The following ATL2 variants were observed in gnomAD, a reference collection of about 807,000 sequenced individuals.
ATL2 encodes atlastin-2.
ATL2 carries 31 observed loss-of-function variants against 73.9 expected under a neutral mutation model. The ratio of observed to expected loss-of-function variants is 0.42; its 90% CI spans 0.32 to 0.57. The LOEUF is 0.57. ATL2 is among the 20% of genes least tolerant of loss of function. ATL2 has a pLI of 0.14. For synonymous variants in ATL2, 291 were observed against 237.5 expected, an observed-to-expected ratio of 1.23 and a Z score of -2.07; for missense variants, 738 against 702.6, an observed-to-expected ratio of 1.05 and a Z score of -0.57.
At chr2:38,327,827 TGAG>T (rs755931119) in intron 2 of ATL2, among the ~76,000 whole-genome samples, 2 of 152,062 alleles carry the variant, frequency 1.3e-5, no homozygotes, top group African/African-American at 2.4e-5. Context: ...TCCCAGCTAC[TGAG>T]GAGGCTAAGG....
upstream of ATL2, chr2:38,377,294 G>A (rs753241975): frequency 2.3e-5 from 34 of 1,494,502 alleles, 1 homozygote; most frequent in Admixed American, 4.2e-4. Flanking sequence ...CCCCACTGAC[G>A]TCAAACGCCG....
intron 2 of ATL2, among the ~76,000 whole-genome samples, chr2:38,336,314 C>T (rs1242890856): frequency 6.6e-6 from 1 of 152,174 alleles, no homozygotes; most frequent in Non-Finnish European, 1.5e-5. Context: ...TCTCTGGCAA[C>T]AGTTTGGGGA....
In ATL2 at chr2:38,294,810, T is replaced by C. The variant is rs935936392; in HGVS notation, c.*1184A>G. On this transcript the variant is annotated 3_prime_UTR_variant, in exon 13 of 13. Coordinates refer to ENST00000378954, the MANE Select transcript of ATL2 (RefSeq NM_001135673.4). ...GGGGTGTTTCCTGCTCATGCTCTTT[T>C]CACTATAAACAAATGTGGTTTATGA... 1.3e-5 allele frequency: 2 copies of C among 152,156 alleles called. No individual in the cohort carries two copies. The highest frequency in any genetic ancestry group is 4.8e-5 in the African/African-American group (2 of 41,422). 9.4% of individuals were successfully genotyped at this position (152,156 alleles called of 1,614,324 possible).
intron 2 of ATL2, among the ~76,000 whole-genome samples, chr2:38,326,749 A>C (rs537029508): frequency 6.6e-6 from 1 of 152,270 alleles, no homozygotes; most frequent in East Asian, 1.9e-4. Flanking sequence ...GCACTCGGGG[A>C]GGCCGAGGCA....
At chr2:38,316,543 T>G (rs1288299391) in intron 4 of ATL2, among the ~76,000 whole-genome samples, 1 of 151,126 alleles carries the variant, frequency 6.6e-6, no homozygotes, top group African/African-American at 2.5e-5. Flanking sequence ...CCAGATATCT[T>G]ACATAAGGAA....
chr2:38,368,085 C>G (rs988652343), intron 1 of ATL2, among the ~76,000 whole-genome samples: 2 of 151,906 alleles, frequency 1.3e-5, no homozygotes, highest in African/African-American at 4.8e-5. Flanking sequence ...CAGGCGCCTG[C>G]CACCACGCCC....
chr2:38,323,349 GTT>G (rs1229668962), intron 2 of ATL2, among the ~76,000 whole-genome samples: 326 of 75,158 alleles, frequency 4.3e-3, no homozygotes, highest in East Asian at 0.023. Flanking sequence ...ATCACCAGAA[GTT>G]TTTTTTTTTT....
At chr2:38,313,525 T>C (rs1362362800) in intron 6 of ATL2, among the ~76,000 whole-genome samples, 2 of 152,078 alleles carry the variant, frequency 1.3e-5, no homozygotes, top group Non-Finnish European at 2.9e-5. Flanking sequence ...GAAAAATGGG[T>C]GTATCAGGAC....
chr2:38,317,291 G>A (rs1668074754), intron 4 of ATL2, among the ~76,000 whole-genome samples: 1 of 152,066 alleles, frequency 6.6e-6, no homozygotes, highest in East Asian at 1.9e-4. Context: ...ATCACCAGCT[G>A]GGCCTAACCG....
intron 9 of ATL2, among the ~76,000 whole-genome samples, chr2:38,302,645 G>A (rs1296067522): frequency 1.3e-5 from 2 of 152,184 alleles, no homozygotes; most frequent in African/African-American, 4.8e-5. Context: ...TTGGGAGAAT[G>A]TAATGGAAGA....
rs917773447 is a variant in ATL2, at chr2:38,300,334, A to C, written c.1072-6T>G. 1.1e-5 allele frequency: 17 copies of C among 1,604,058 alleles called. No individual in the cohort carries two copies. Among genetic ancestry groups the C allele is most frequent in the Non-Finnish European group, 1.4e-5 (16 of 1,171,252 alleles). On this transcript the variant is annotated splice_polypyrimidine_tract_variant and splice_region_variant and intron_variant, in intron 9 of 12. Transcript: ENST00000378954. ...TGATAGATTTTGATGTAAGCCTAAAAAGGGAGAAGATTTGTTAGACTGACG... is the reference window on the plus strand; with the variant it reads ...TGATAGATTTTGATGTAAGCCTAAACAGGGAGAAGATTTGTTAGACTGACG...
intron 2 of ATL2, among the ~76,000 whole-genome samples, chr2:38,319,459 C>T (rs1407436879): frequency 2.0e-5 from 3 of 151,718 alleles, no homozygotes; most frequent in Non-Finnish European, 4.4e-5. Context: ...ATTAGCCAGG[C>T]GTGGCGGCAC....
intron 6 of ATL2, 100 bp downstream of exon 6, chr2:38,314,508 G>C (rs1032810606): frequency 2.7e-6 from 2 of 732,120 alleles, no homozygotes; most frequent in East Asian, 2.7e-5. Flanking sequence ...TGCTAGCAAT[G>C]AGTCTATTGT....
At chr2:38,336,031 A>G in intron 2 of ATL2, among the ~76,000 whole-genome samples, 1 of 152,254 alleles carries the variant, frequency 6.6e-6, no homozygotes, top group East Asian at 1.9e-4. Flanking sequence ...ACATAAATAC[A>G]TAAATAAACA....
intron 1 of ATL2, among the ~76,000 whole-genome samples, chr2:38,361,752 T>C (rs1206470110): frequency 6.6e-6 from 1 of 152,236 alleles, no homozygotes; most frequent in Non-Finnish European, 1.5e-5. Flanking sequence ...AAAATTTACT[T>C]CCACAGACAG....
chr2:38,323,993 T>G (rs976089333), intron 2 of ATL2, among the ~76,000 whole-genome samples: 1 of 152,126 alleles, frequency 6.6e-6, no homozygotes, highest in Non-Finnish European at 1.5e-5. Flanking sequence ...AAGATCCAAG[T>G]GGGCCGGTAA....
chr2:38,298,876 C>T (rs984089957), intron 11 of ATL2, among the ~76,000 whole-genome samples: 3 of 152,108 alleles, frequency 2.0e-5, no homozygotes, highest in Non-Finnish European at 2.9e-5. Context: ...AAATTGCTGG[C>T]AAGAGAACGG....
upstream of ATL2, among the ~76,000 whole-genome samples, chr2:38,377,588 C>T (rs1288202881): frequency 1.3e-5 from 2 of 152,204 alleles, no homozygotes; most frequent in East Asian, 1.9e-4. Context: ...GCACCACACC[C>T]CCTTAGCGCT....
At chr2:38,324,436 C>G (rs6738197) in intron 2 of ATL2, among the ~76,000 whole-genome samples, 14,401 of 152,234 alleles carry the variant, frequency 0.095, 2,273 homozygotes, top group African/African-American at 0.33. Flanking sequence ...GTGATGGACA[C>G]AATAAATACT....
Sources: gnomAD v4.1 joint callset for allele counts (sites outside exome capture counted in the v4.1 genomes callset) on GRCh38, gnomAD v4.1.1 for gene constraint, MANE v1.5 for transcripts, NCBI Gene and HGNC (gene_info 2026-07-23, HGNC 2026-07-21) for gene names.